The following ANKRD12 variants were observed in gnomAD, a reference collection of about 807,000 sequenced individuals.
ANKRD12 encodes ankyrin repeat domain 12.
In ANKRD12, 85 loss-of-function variants were observed where a neutral mutation model predicts 183.4. That is an observed-to-expected ratio of 0.46 (90% CI 0.39 to 0.56). ANKRD12 has a LOEUF of 0.56. Among genes scored for constraint, ANKRD12 ranks in the 20% least tolerant of loss-of-function variants. The pLI, the probability that ANKRD12 is intolerant of heterozygous loss-of-function variation, is 0.00. For synonymous variants in ANKRD12, 914 were observed against 800.2 expected, an observed-to-expected ratio of 1.14 and a Z score of -2.40; for missense variants, 2,405 against 2,357.1, an observed-to-expected ratio of 1.02 and a Z score of -0.42.
intron 2 of ANKRD12, among the ~76,000 whole-genome samples, chr18:9,186,201 C>T (rs1436887280): frequency 9.9e-5 from 14 of 141,458 alleles, no homozygotes; most frequent in South Asian, 2.2e-4. Context: ...AGTGCAGTGG[C>T]GCGAAAAAGT....
intron 1 of ANKRD12, among the ~76,000 whole-genome samples, chr18:9,147,665 A>G (rs1420427806): frequency 6.6e-6 from 1 of 152,228 alleles, no homozygotes; most frequent in African/African-American, 2.4e-5. Flanking sequence ...AGTTGAAAAT[A>G]AGATTTATGT....
chr18:9,209,664 TACTC>T (rs1253602410), intron 5 of ANKRD12, among the ~76,000 whole-genome samples: 1 of 152,208 alleles, frequency 6.6e-6, no homozygotes, highest in Non-Finnish European at 1.5e-5. Flanking sequence ...ACGTTGTGGT[TACTC>T]ACTCCTACCT....
intron 6 of ANKRD12, among the ~76,000 whole-genome samples, chr18:9,215,908 G>A (rs2036072976): frequency 6.6e-6 from 1 of 152,008 alleles, no homozygotes; most frequent in Non-Finnish European, 1.5e-5. Context: ...ACTTGATGGA[G>A]TTGAATGCTT....
At chr18:9,231,171 C>T (rs1009047247) in intron 8 of ANKRD12, among the ~76,000 whole-genome samples, 11 of 152,064 alleles carry the variant, frequency 7.2e-5, no homozygotes, top group African/African-American at 2.4e-4. Flanking sequence ...AGTTTTGTGG[C>T]CTAACATGGT....
At chr18:9,253,750 A>C (rs1271994438) in intron 8 of ANKRD12, among the ~76,000 whole-genome samples, 1 of 152,224 alleles carries the variant, frequency 6.6e-6, no homozygotes, top group Non-Finnish European at 1.5e-5. Flanking sequence ...ATGCGGAGAA[A>C]GGGGAACCCT....
At chr18:9,263,953 GCCTATAATTTTTTATTA>G (rs2039131417) in intron 10 of ANKRD12, 65 bp downstream of exon 10, 1 of 1,183,004 alleles carries the variant, frequency 8.5e-7, no homozygotes, top group Non-Finnish European at 1.1e-6. Context: ...AATTAAAATG[GCCTATAATTTTTTATTA>G]GTGGATTTTT....
At chr18:9,273,276 C>T (rs2039689716) in intron 10 of ANKRD12, among the ~76,000 whole-genome samples, 1 of 152,104 alleles carries the variant, frequency 6.6e-6, no homozygotes, top group Non-Finnish European at 1.5e-5. Flanking sequence ...ATATTATGAA[C>T]CTTGTGGTAG....
At chr18:9,155,920 A>G (rs963188490) in intron 1 of ANKRD12, among the ~76,000 whole-genome samples, 4 of 152,150 alleles carry the variant, frequency 2.6e-5, no homozygotes, top group African/African-American at 9.7e-5. Context: ...GGATCGCTTG[A>G]GGCCAGGAAT....
chr18:9,206,383 A>G (rs1193027033), intron 4 of ANKRD12, among the ~76,000 whole-genome samples: 1 of 152,032 alleles, frequency 6.6e-6, no homozygotes, highest in Non-Finnish European at 1.5e-5. Flanking sequence ...TATAAGATAT[A>G]TAATATATTA....
At chr18:9,212,323 T>C (rs186591003) in intron 6 of ANKRD12, among the ~76,000 whole-genome samples, 28 of 152,098 alleles carry the variant, frequency 1.8e-4, no homozygotes, top group Admixed American at 6.5e-4. Context: ...CATAGAACTA[T>C]GGTTAACGCT....
chr18:9,258,966 C>T, intron 9 of ANKRD12, 35 bp downstream of exon 9: 1 of 1,550,500 alleles, frequency 6.4e-7, no homozygotes, highest in Non-Finnish European at 8.7e-7. Context: ...ACACCTGTAA[C>T]ACTGCCCAAT....
At chr18:9,214,903 C>T (rs1457890024) in intron 6 of ANKRD12, among the ~76,000 whole-genome samples, 1 of 151,984 alleles carries the variant, frequency 6.6e-6, no homozygotes, top group African/African-American at 2.4e-5. Context: ...AAAAGGCGTA[C>T]CTATAGATTA....
intron 2 of ANKRD12, among the ~76,000 whole-genome samples, chr18:9,186,596 CT>C (rs1302659941): frequency 2.0e-5 from 3 of 151,998 alleles, no homozygotes. Flanking sequence ...CTTATTTTAC[CT>C]TGAGAGGAAG....
At chr18:9,138,462 G>A (rs1395395646) in intron 1 of ANKRD12, among the ~76,000 whole-genome samples, 1 of 152,216 alleles carries the variant, frequency 6.6e-6, no homozygotes, top group Non-Finnish European at 1.5e-5. Flanking sequence ...GCAGTGAGCC[G>A]AGATCGTGCC....
At chr18:9,206,209 A>G (rs1293677683) in intron 4 of ANKRD12, among the ~76,000 whole-genome samples, 6 of 152,062 alleles carry the variant, frequency 3.9e-5, no homozygotes, top group Admixed American at 3.9e-4. Context: ...ATAGTAGACT[A>G]TGCTAAATGA....
chr18:9,144,111 A>T (rs1335828521), intron 1 of ANKRD12, among the ~76,000 whole-genome samples: 1 of 152,178 alleles, frequency 6.6e-6, no homozygotes, highest in Non-Finnish European at 1.5e-5. Context: ...CTGTGACTTG[A>T]CACATCATAT....
intron 1 of ANKRD12, among the ~76,000 whole-genome samples, chr18:9,166,182 C>T (rs997458764): frequency 4.6e-5 from 7 of 151,860 alleles, no homozygotes; most frequent in South Asian, 2.1e-4. Flanking sequence ...AATAAACATA[C>T]GTGTGCATGT....
intron 10 of ANKRD12, among the ~76,000 whole-genome samples, chr18:9,268,524 A>G (rs2039425701): frequency 1.3e-5 from 2 of 152,194 alleles, no homozygotes; most frequent in Non-Finnish European, 2.9e-5. Flanking sequence ...CAAAAACCAC[A>G]TGATTATCTC....
At position 9,255,453 on chromosome 18, in the gene ANKRD12, A is replaced by G; in HGVS notation, c.2186A>G (p.Asn729Ser). 1.3e-6 allele frequency: 2 copies of G among 1,573,750 alleles called. No homozygotes were observed. The highest frequency in any genetic ancestry group is 1.7e-6 in the Non-Finnish European group (2 of 1,168,284). ...TLEKKSKLEK[N>S]IKDDKSTKEK... ...GAAAAAAAATCAAAATTGGAAAAAA[A>G]CATCAAAGATGATAAATCAACCAAG... The change falls in exon 9 of 13, where the codon AAC (asparagine) becomes AGC (serine). Residue 729 changes from asparagine (N) to serine (S), a missense_variant. Physicochemically the swap from Asn to Ser is conservative, Grantham distance 46. Transcript: ENST00000262126.
Sources: gnomAD v4.1 joint callset for allele counts (sites outside exome capture counted in the v4.1 genomes callset) on GRCh38, gnomAD v4.1.1 for gene constraint, MANE v1.5 for transcripts, NCBI Gene and HGNC (gene_info 2026-07-23, HGNC 2026-07-21) for gene names.